NIPBL: variants seen among roughly 807,000 people sequenced by gnomAD.
NIPBL encodes nipped-B-like protein.
In NIPBL, 19 loss-of-function variants were observed where a neutral mutation model predicts 321.8. The ratio of observed to expected loss-of-function variants is 0.06; its 90% CI spans 0.04 to 0.09. NIPBL has a LOEUF of 0.09. Ranked by LOEUF, NIPBL falls within the 10% of genes least tolerant of loss-of-function variation. The pLI is 1.00. For synonymous variants in NIPBL, 1,106 were observed against 1,114.1 expected, an observed-to-expected ratio of 0.99 and a Z score of 0.14; for missense variants, 2,210 against 3,327.0, an observed-to-expected ratio of 0.66 and a Z score of 8.26.
intron 1 of NIPBL, among the ~76,000 whole-genome samples, chr5:36,899,347 T>G (rs1747029742): frequency 6.6e-6 from 1 of 152,190 alleles, no homozygotes; most frequent in Non-Finnish European, 1.5e-5. Flanking sequence ...AAAAAAAAAG[T>G]GTAATGTGAT....
chr5:37,027,552 A>T, intron 32 of NIPBL, 140 bp downstream of exon 32: 2 of 453,742 alleles, frequency 4.4e-6, no homozygotes, highest in Non-Finnish European at 4.1e-6. Context: ...TCAATATGTT[A>T]GGCTGGATGA....
At position 37,052,545 on chromosome 5, in the gene NIPBL, C is replaced by G; in HGVS notation, c.7242C>G (p.Leu2414=). Residue 2414 remains leucine (L), a synonymous_variant, in exon 42 of 47, where the codon CTC becomes CTG. Coordinates refer to ENST00000282516, the MANE Select transcript of NIPBL (RefSeq NM_133433.4). ...GACGAGCCTTTCTTATTTCTTTACTCAACCTCTTTGATGACACAGCAGTAA... is the reference window on the plus strand; with the variant it reads ...GACGAGCCTTTCTTATTTCTTTACTGAACCTCTTTGATGACACAGCAGTAA... The part of the protein sequence containing the change: ...QHRRAFLISL[L]NLFDDTAKTD... 6.2e-7 allele frequency: 1 copy of G among 1,614,062 alleles called. No individual in the cohort carries two copies. The highest frequency in any genetic ancestry group is 8.5e-7 in the Non-Finnish European group (1 of 1,179,946).
At position 37,064,532 on chromosome 5, in the gene NIPBL, GAGA is replaced by G; in HGVS notation, c.8058_8060del (p.Arg2687del). 1.2e-6 allele frequency: 2 copies of G among 1,612,866 alleles called. No homozygotes were observed. The highest frequency in any genetic ancestry group is 1.7e-6 in the Non-Finnish European group (2 of 1,180,012). ...CCCCCCTCCCAATGTTTTAGTCATT[GAGA>G]AGGTCAAAACGAAATTCAGACTCTA... On this transcript the variant is annotated inframe_deletion, in exon 47 of 47. Coordinates refer to ENST00000282516, the MANE Select transcript of NIPBL (RefSeq NM_133433.4).
intron 21 of NIPBL, among the ~76,000 whole-genome samples, chr5:37,011,419 T>A (rs965812624): frequency 1.3e-5 from 2 of 152,134 alleles, no homozygotes; most frequent in African/African-American, 2.4e-5. Flanking sequence ...GCTGGTCATG[T>A]TGTTGTGCAC....
At chr5:36,902,760 TTTTG>T (rs767232416) in intron 1 of NIPBL, among the ~76,000 whole-genome samples, 13 of 152,294 alleles carry the variant, frequency 8.5e-5, no homozygotes, top group Middle Eastern at 6.8e-3. Flanking sequence ...TTTAGAAGTT[TTTTG>T]TTTGTTTGTT....
At chr5:37,007,292 T>C in intron 17 of NIPBL, 31 bp from the exon 18 acceptor site, 3 of 1,594,986 alleles carry the variant, frequency 1.9e-6, no homozygotes, top group Non-Finnish European at 2.6e-6. Flanking sequence ...AAAGTTGATG[T>C]TTTCCTTATC....
chr5:37,021,940 A>G, intron 27 of NIPBL, 111 bp from the exon 28 acceptor site: 1 of 833,584 alleles, frequency 1.2e-6, no homozygotes, highest in South Asian at 1.5e-5. Flanking sequence ...TTATATACAG[A>G]TTAAAGAGAG....
chr5:37,064,478 A>G, intron 46 of NIPBL, 49 bp from the exon 47 acceptor site: 1 of 1,603,500 alleles, frequency 6.2e-7, no homozygotes, highest in Non-Finnish European at 8.5e-7. Context: ...TTTCACTAAA[A>G]TTCTTTTGTG....
chr5:36,885,501 G>A (rs1580141926), intron 1 of NIPBL: 4 of 506,520 alleles, frequency 7.9e-6, no homozygotes, highest in Middle Eastern at 3.7e-4. Context: ...AGAGTGAGGA[G>A]CCTAGAGACC....
chr5:36,989,743 G>A (rs1167018145), intron 10 of NIPBL, among the ~76,000 whole-genome samples: 1 of 150,328 alleles, frequency 6.7e-6, no homozygotes, highest in East Asian at 2.0e-4. Flanking sequence ...GGAGGCTGAA[G>A]CAGGAGAATC....
rs754179931 is a variant in NIPBL at position 36,958,095 on chromosome 5, C to T, written c.231-9C>T. The T allele has an allele frequency of 2.2e-5, 35 of 1,612,840 alleles. No individual in the cohort carries two copies. Among genetic ancestry groups the T allele is most frequent in the Non-Finnish European group, 2.9e-5 (34 of 1,179,302 alleles). ...TTTTAATTTTTGATACTTATTTTCT[C>T]AATGCCAGAGAGTTGAAAGATAACC... On this transcript the variant is annotated splice_polypyrimidine_tract_variant and intron_variant, in intron 3 of 46. Coordinates refer to ENST00000282516, the MANE Select transcript of NIPBL (RefSeq NM_133433.4).
rs778066165 is a variant in NIPBL, at chr5:37,042,886, T to TAC, written c.6109-1454_6109-1453dup. Among the ~76,000 whole-genome samples, 11 of 143,740 alleles carry TAC rather than the reference T, an allele frequency of 7.7e-5. No homozygotes were observed. The East Asian group carries it at 1.0e-3, about 13-fold the overall frequency. 94.3% of individuals were successfully genotyped at this position (143,740 alleles called of 152,430 possible). On this transcript the variant is annotated intron_variant, in intron 34 of 46. Coordinates refer to ENST00000282516, the MANE Select transcript of NIPBL (RefSeq NM_133433.4). ...TAAAAACATGCATTGAAAGCCTTAC[T>TAC]ACACACACGCGCGCACACACACACA...
intron 1 of NIPBL, among the ~76,000 whole-genome samples, chr5:36,906,547 AT>A (rs1747655013): frequency 6.6e-6 from 1 of 152,156 alleles, no homozygotes; most frequent in Non-Finnish European, 1.5e-5. Flanking sequence ...ACCAGGACAG[AT>A]TTTGTTTTAC....
At chr5:36,997,546 C>A (rs1746272728) in intron 11 of NIPBL, among the ~76,000 whole-genome samples, 1 of 152,042 alleles carries the variant, frequency 6.6e-6, no homozygotes, top group South Asian at 2.1e-4. Flanking sequence ...AGCCATGGAC[C>A]CTGTTATATC....
At chr5:36,900,554 T>G (rs1210211903) in intron 1 of NIPBL, among the ~76,000 whole-genome samples, 2 of 152,178 alleles carry the variant, frequency 1.3e-5, no homozygotes, top group African/African-American at 4.8e-5. Flanking sequence ...AATGAATGTA[T>G]GCTCTCCTTA....
At chr5:36,993,089 T>G (rs774351823) in intron 10 of NIPBL, among the ~76,000 whole-genome samples, 1 of 152,138 alleles carries the variant, frequency 6.6e-6, no homozygotes. Flanking sequence ...AGTCCATTTA[T>G]AAAGAGCTTC....
At chr5:37,042,194 T>C (rs934001467) in intron 34 of NIPBL, among the ~76,000 whole-genome samples, 3 of 152,060 alleles carry the variant, frequency 2.0e-5, no homozygotes, top group Non-Finnish European at 4.4e-5. Flanking sequence ...CCCAGCACTT[T>C]GGGAGGCCGA....
chr5:36,886,375 A>T, intron 1 of NIPBL: 2 of 724,114 alleles, frequency 2.8e-6, no homozygotes, highest in South Asian at 1.4e-5. Context: ...CAAGAACTTC[A>T]GTCTTGATGA....
At chr5:37,059,477 A>T (rs939758540) in intron 44 of NIPBL, among the ~76,000 whole-genome samples, 1 of 152,220 alleles carries the variant, frequency 6.6e-6, no homozygotes, top group South Asian at 2.1e-4. Context: ...ACTGCACTCC[A>T]GCCTGGGCAA....
Sources: gnomAD v4.1 joint callset for allele counts (sites outside exome capture counted in the v4.1 genomes callset) on GRCh38, gnomAD v4.1.1 for gene constraint, MANE v1.5 for transcripts, NCBI Gene and HGNC (gene_info 2026-07-23, HGNC 2026-07-21) for gene names.